Variants in XPO4 observed in about 807,000 individuals in gnomAD.
The protein encoded by XPO4 is exportin 4, also known as exportin-4.
XPO4 carries 39 observed loss-of-function variants against 143.0 expected under a neutral mutation model. The ratio of observed to expected loss-of-function variants is 0.27; its 90% CI spans 0.21 to 0.36. XPO4 has a LOEUF of 0.36. Among genes scored for constraint, XPO4 ranks in the 10% least tolerant of loss-of-function variants. The pLI, the probability that XPO4 is intolerant of heterozygous loss-of-function variation, is 1.00. For synonymous variants in XPO4, 439 were observed against 474.0 expected, an observed-to-expected ratio of 0.93 and a Z score of 0.96; for missense variants, 907 against 1,348.0, an observed-to-expected ratio of 0.67 and a Z score of 5.12.
chr13:20,895,381 T>C (rs1036686247), intron 1 of XPO4, among the ~76,000 whole-genome samples: 3 of 152,026 alleles, frequency 2.0e-5, no homozygotes, highest in Admixed American at 6.6e-5. Flanking sequence ...GCTGTAATCC[T>C]AGCACTTTGG....
intron 14 of XPO4, 54 bp from the exon 15 acceptor site, chr13:20,800,379 A>C: frequency 6.5e-7 from 1 of 1,539,638 alleles, no homozygotes; most frequent in Non-Finnish European, 8.8e-7. Flanking sequence ...AACTCAAGAA[A>C]AAAAAAACAG....
At chr13:20,853,823 C>A (rs1264672035) in intron 4 of XPO4, among the ~76,000 whole-genome samples, 1 of 152,188 alleles carries the variant, frequency 6.6e-6, no homozygotes, top group East Asian at 1.9e-4. Context: ...CATTTCACAT[C>A]ACCAACTGCC....
At chr13:20,816,034 T>C (rs2059646075) in intron 9 of XPO4, among the ~76,000 whole-genome samples, 1 of 152,252 alleles carries the variant, frequency 6.6e-6, no homozygotes. Flanking sequence ...ATCTGCGTGG[T>C]TGATACATAA....
chr13:20,808,948 T>C (rs1272484081), intron 11 of XPO4, 135 bp downstream of exon 11: 61 of 1,009,488 alleles, frequency 6.0e-5, no homozygotes, highest in Non-Finnish European at 8.5e-5. Context: ...ATCATGAGTA[T>C]GTTTCTGTCC....
At chr13:20,793,034 C>T (rs1363286849) in intron 18 of XPO4, among the ~76,000 whole-genome samples, 2 of 152,298 alleles carry the variant, frequency 1.3e-5, no homozygotes, top group East Asian at 3.9e-4. Context: ...AGGTGATCCA[C>T]CCGCCTCAGC....
chr13:20,852,472 T>C, intron 4 of XPO4: 10 of 985,412 alleles, frequency 1.0e-5, no homozygotes, highest in Non-Finnish European at 1.2e-5. Context: ...GGCCATTAGT[T>C]TGGAAGCAAA....
At chr13:20,881,360 C>T (rs895328839) in intron 1 of XPO4, among the ~76,000 whole-genome samples, 1 of 152,112 alleles carries the variant, frequency 6.6e-6, no homozygotes, top group Non-Finnish European at 1.5e-5. Flanking sequence ...GCGCCACCTC[C>T]CGGGTTCATG....
chr13:20,802,546 T>C (rs1410875700), intron 13 of XPO4, among the ~76,000 whole-genome samples: 5 of 152,236 alleles, frequency 3.3e-5, no homozygotes, highest in Non-Finnish European at 4.4e-5. Flanking sequence ...TAAATATCTA[T>C]TCCAGCCTAA....
intron 2 of XPO4, among the ~76,000 whole-genome samples, chr13:20,867,965 T>C (rs1223739241): frequency 1.3e-5 from 2 of 152,224 alleles, no homozygotes; most frequent in African/African-American, 2.4e-5. Context: ...ATATAACTCT[T>C]AGAAAATGCC....
At chr13:20,867,491 A>G (rs2060254332) in intron 2 of XPO4, among the ~76,000 whole-genome samples, 1 of 152,252 alleles carries the variant, frequency 6.6e-6, no homozygotes, top group Admixed American at 6.5e-5. Context: ...TAGCAAATCC[A>G]TTAAGGCAAA....
At chr13:20,802,338 A>G (rs2059445745) in intron 13 of XPO4, among the ~76,000 whole-genome samples, 1 of 152,182 alleles carries the variant, frequency 6.6e-6, no homozygotes, top group Non-Finnish European at 1.5e-5. Flanking sequence ...GATTACAGGC[A>G]TAAACCACCA....
At position 20,790,415 on chromosome 13, in the gene XPO4, C is replaced by T. The variant is rs753478011; in HGVS notation, c.2916+47G>A. On this transcript the variant is annotated intron_variant, in intron 19 of 22. Coordinates refer to ENST00000255305, the MANE Select transcript of XPO4 (RefSeq NM_022459.5). ...TATTCTTGTCTAAAGTATCTTTGAA[C>T]TTCAGTTACACATAGTGGTATGTTC... 4 of 1,412,036 alleles carry T rather than the reference C, an allele frequency of 2.8e-6. No individual in the cohort carries two copies. In the South Asian group the frequency reaches 4.6e-5, roughly 16 times the overall value. 87.5% of individuals were successfully genotyped at this position (1,412,036 alleles called of 1,614,324 possible).
intron 1 of XPO4, among the ~76,000 whole-genome samples, chr13:20,896,733 T>C (rs768287443): frequency 6.6e-6 from 1 of 152,214 alleles, no homozygotes; most frequent in African/African-American, 2.4e-5. Context: ...TATTACTGTA[T>C]CAGTTAGACC....
chr13:20,897,773 G>T (rs2060583514), intron 1 of XPO4, among the ~76,000 whole-genome samples: 1 of 151,706 alleles, frequency 6.6e-6, no homozygotes. Context: ...CTATTTTTTT[G>T]AGACAGAGTC....
chr13:20,826,913 C>T (rs1049152192), intron 7 of XPO4, among the ~76,000 whole-genome samples, 154 bp downstream of exon 7: 1 of 152,100 alleles, frequency 6.6e-6, no homozygotes, highest in Non-Finnish European at 1.5e-5. Flanking sequence ...TTAGCAAGAA[C>T]CTTTTAAAAT....
intron 9 of XPO4, among the ~76,000 whole-genome samples, chr13:20,816,154 G>T (rs1285423482): frequency 6.6e-6 from 1 of 152,004 alleles, no homozygotes; most frequent in East Asian, 1.9e-4. Context: ...CAATCCCCAC[G>T]TCTAACAACA....
intron 1 of XPO4, among the ~76,000 whole-genome samples, chr13:20,884,371 T>G (rs1177867182): frequency 5.3e-5 from 8 of 152,100 alleles, no homozygotes; most frequent in Non-Finnish European, 1.2e-4. Context: ...GGTGAGACCC[T>G]GTCTCTTAAA....
chr13:20,796,771 A>T lies in XPO4; in HGVS notation c.2609T>A (p.Leu870His). The change falls in exon 17 of 23, where the codon CTT (leucine) becomes CAT (histidine). Residue 870 changes from leucine to histidine, a missense_variant. Leu to His is a moderately conservative substitution (Grantham distance 99). Coordinates refer to ENST00000255305, the MANE Select transcript of XPO4 (RefSeq NM_022459.5). Reference sequence around the variant, plus strand: ...AAATTAGAAAGTGCTTACCTCTCCAAGATAGCATATCTGTTTATGTGCAAC... The same window carrying T: ...AAATTAGAAAGTGCTTACCTCTCCATGATAGCATATCTGTTTATGTGCAAC... Reference protein sequence around the residue: ...VEVAHKQICYLGESKAMNLYE... With the variant: ...VEVAHKQICYHGESKAMNLYE... The T allele has an allele frequency of 6.2e-7, 1 of 1,608,326 alleles. No homozygotes were observed. Among genetic ancestry groups the T allele is most frequent in the Non-Finnish European group, 8.5e-7 (1 of 1,177,156 alleles).
intron 7 of XPO4, among the ~76,000 whole-genome samples, chr13:20,825,018 A>G (rs1040249617): frequency 7.9e-5 from 12 of 152,192 alleles, no homozygotes; most frequent in African/African-American, 2.9e-4. Context: ...GAGCCACAGG[A>G]AAGTGTACAG....
Sources: gnomAD v4.1 joint callset for allele counts (sites outside exome capture counted in the v4.1 genomes callset) on GRCh38, gnomAD v4.1.1 for gene constraint, MANE v1.5 for transcripts, NCBI Gene and HGNC (gene_info 2026-07-23, HGNC 2026-07-21) for gene names.